Variants in TP73 observed in about 807,000 individuals in gnomAD.
The protein encoded by TP73 is tumor protein p73.
Under a neutral mutation model 62.5 loss-of-function variants are expected in TP73, and 25 were observed. The ratio of observed to expected loss-of-function variants is 0.40; its 90% CI spans 0.29 to 0.56. The LOEUF (loss-of-function observed/expected upper bound fraction) is 0.56, where lower values mean the gene tolerates loss of function less well. TP73 is among the 20% of genes least tolerant of loss of function. The pLI is 0.46. For synonymous variants in TP73, 423 were observed against 377.5 expected (o/e 1.12, Z -1.40); for missense variants, 754 against 913.3 (o/e 0.83, Z 2.25).
chr1:3,679,441 CTCTG>C (rs1028998137), intron 1 of TP73, among the ~76,000 whole-genome samples: 9 of 152,190 alleles, frequency 5.9e-5, no homozygotes, highest in East Asian at 3.9e-4. Context: ...CCCTCTGTTT[CTCTG>C]TCTGTCTCTG....
intron 1 of TP73, among the ~76,000 whole-genome samples, chr1:3,675,386 T>C (rs1645339999): frequency 6.6e-6 from 1 of 152,180 alleles, no homozygotes; most frequent in Admixed American, 6.5e-5. Flanking sequence ...GTTGATCTGC[T>C]GAAATAACAG....
intron 3 of TP73, among the ~76,000 whole-genome samples, chr1:3,695,213 G>A (rs2124290885): frequency 6.6e-6 from 1 of 152,366 alleles, no homozygotes; most frequent in East Asian, 1.9e-4. Context: ...CCCTCTAGAA[G>A]AGGCTGAGCG....
intron 3 of TP73, among the ~76,000 whole-genome samples, chr1:3,693,929 C>T (rs1423423269): frequency 4.4e-5 from 1 of 22,698 alleles, no homozygotes; most frequent in African/African-American, 1.0e-4. Context: ...CAGCCCCCTC[C>T]TCCCGCAATC....
At chr1:3,703,598 G>A (rs74045918) in intron 3 of TP73, among the ~76,000 whole-genome samples, 2,940 of 152,380 alleles carry the variant, frequency 0.019, 115 homozygotes, top group African/African-American at 0.067. Context: ...TAATTCCTTG[G>A]CACCTTCCTC....
In TP73 at chr1:3,701,819, G is replaced by A. The variant is rs762341132; in HGVS notation, c.187-5730G>A. Among the ~76,000 whole-genome samples, 5 of 152,160 alleles carry A rather than the reference G, an allele frequency of 3.3e-5. No individual in the cohort carries two copies. Among genetic ancestry groups the A allele is most frequent in the Non-Finnish European group, 5.9e-5 (4 of 68,020 alleles). Reference sequence around the variant, plus strand: ...CCACCACGCCTGGCCAGTACATGTTGATTTCATCCCCACTCTGCAGATGAG... The same window carrying A: ...CCACCACGCCTGGCCAGTACATGTTAATTTCATCCCCACTCTGCAGATGAG... On this transcript the variant is annotated intron_variant, in intron 3 of 13. Coordinates refer to ENST00000378295, the MANE Select transcript of TP73 (RefSeq NM_005427.4). The surrounding 1 kb of genome is among the most constrained non-coding windows in gnomAD (Gnocchi z 4.7).
chr1:3,709,569 G>T (rs1259699663), intron 4 of TP73, among the ~76,000 whole-genome samples: 2 of 152,206 alleles, frequency 1.3e-5, no homozygotes, highest in Non-Finnish European at 2.9e-5. Context: ...TGTGGGGCAA[G>T]GGGGACCAGG....
chr1:3,732,615 C>T (rs995137930), intron 13 of TP73, 132 bp from the exon 14 acceptor site: 10 of 790,838 alleles, frequency 1.3e-5, no homozygotes, highest in Non-Finnish European at 1.8e-5. Flanking sequence ...TCCCCCTCCC[C>T]CGTCTCCTGC....
intron 1 of TP73, among the ~76,000 whole-genome samples, chr1:3,661,651 A>C (rs1310974372): frequency 6.6e-6 from 1 of 151,230 alleles, no homozygotes; most frequent in African/African-American, 2.4e-5. Flanking sequence ...TTCATGCCAC[A>C]GTGAGCTGAG....
chr1:3,729,012 G>GAC (rs1010987294), intron 9 of TP73, among the ~76,000 whole-genome samples: 1 of 152,226 alleles, frequency 6.6e-6, no homozygotes, highest in Non-Finnish European at 1.5e-5. Flanking sequence ...GAGAGACAGA[G>GAC]AGACAGAGAG....
At chr1:3,730,855 G>A (rs41301973) in intron 11 of TP73, 72 bp from the exon 12 acceptor site, 74,112 of 1,503,372 alleles carry the variant, frequency 0.049, 3,013 homozygotes, top group East Asian at 0.17. Flanking sequence ...AGAGGTGTCT[G>A]GAGCCTGGGT....
intron 1 of TP73, among the ~76,000 whole-genome samples, chr1:3,657,214 G>A (rs1161168089): frequency 6.6e-6 from 1 of 152,196 alleles, no homozygotes; most frequent in Non-Finnish European, 1.5e-5. Flanking sequence ...GCCAGGTGTG[G>A]GCAGGGTCGG....
At chr1:3,668,514 A>ATGTGTGTG (rs1557490398) in intron 1 of TP73, 8 of 68,758 alleles carry the variant, frequency 1.2e-4, no homozygotes, top group African/African-American at 4.1e-4. Flanking sequence ...AACTTGCTGC[A>ATGTGTGTG]CGTGTGTGTG....
At chr1:3,660,174 C>T (rs1644960000) in intron 1 of TP73, among the ~76,000 whole-genome samples, 1 of 152,206 alleles carries the variant, frequency 6.6e-6, no homozygotes, top group South Asian at 2.1e-4. Flanking sequence ...GACTTGATAT[C>T]AGACTTCACC....
At chr1:3,730,262 G>A (rs1335117782) in intron 11 of TP73, 114 bp downstream of exon 11, 27 of 1,235,228 alleles carry the variant, frequency 2.2e-5, no homozygotes, top group Non-Finnish European at 2.5e-5. Flanking sequence ...TCTGTGGCTG[G>A]CTCCTTCCAG....
At chr1:3,728,992 A>AAGAGAGAGAGAG (rs3034587) in intron 9 of TP73, among the ~76,000 whole-genome samples, 8 of 150,716 alleles carry the variant, frequency 5.3e-5, no homozygotes, top group Non-Finnish European at 8.9e-5. Context: ...TGTCGAAAGA[A>AAGAGAGAGAGAG]AGAGAGAGAG....
chr1:3,730,614 G>A (rs114127459), intron 11 of TP73, among the ~76,000 whole-genome samples: 93 of 152,270 alleles, frequency 6.1e-4, no homozygotes, highest in East Asian at 5.8e-3. Context: ...TCCCAGTGCC[G>A]TGAGCAAGCA....
Position 3,732,732 on chromosome 1 carries a change from G to T in TP73, c.1579-15G>T, listed in dbSNP as rs769679126. On this transcript the variant is annotated splice_polypyrimidine_tract_variant and intron_variant, in intron 13 of 13. Coordinates refer to ENST00000378295, the MANE Select transcript of TP73 (RefSeq NM_005427.4). ...CTCCACTGCCCCCTGCCCCTAATGCGCCGGCCTCTCGCAGGACCTGGGGGC... is the reference window on the plus strand; with the variant it reads ...CTCCACTGCCCCCTGCCCCTAATGCTCCGGCCTCTCGCAGGACCTGGGGGC... 1 of 1,551,536 alleles carries T rather than the reference G, an allele frequency of 6.4e-7. No individual in the cohort carries two copies. Among genetic ancestry groups the T allele is most frequent in the Non-Finnish European group, 8.7e-7 (1 of 1,146,290 alleles).
chr1:3,708,299 G>A (rs949984296), intron 4 of TP73: 1 of 172,754 alleles, frequency 5.8e-6, no homozygotes, highest in African/African-American at 2.4e-5. Flanking sequence ...CATGCACCAA[G>A]GAGATGGGGT....
At chr1:3,711,846 ATGTGTGTGTG>A (rs3841787) in intron 4 of TP73, among the ~76,000 whole-genome samples, 1 of 150,110 alleles carries the variant, frequency 6.7e-6, no homozygotes, top group Non-Finnish European at 1.5e-5. Flanking sequence ...GAGCGTGTGT[ATGTGTGTGTG>A]TGTGTGTGTG....
Sources: allele counts gnomAD v4.1 joint callset (sites outside exome capture counted in the v4.1 genomes callset), GRCh38; gene constraint gnomAD v4.1.1; non-coding constraint Gnocchi (gnomAD v3.1); transcripts MANE v1.5; gene names NCBI Gene and HGNC (gene_info 2026-07-23, HGNC 2026-07-21).